The following TAFA2 variants were observed in gnomAD, a reference collection of about 807,000 sequenced individuals.
The protein encoded by TAFA2 is TAFA chemokine like family member 2.
Under a neutral mutation model 18.8 loss-of-function variants are expected in TAFA2, and 7 were observed. The observed-to-expected ratio is 0.37, with a 90% confidence interval of 0.21 to 0.70. TAFA2 has a LOEUF of 0.70. Ranked by LOEUF, TAFA2 falls within the 30% of genes least tolerant of loss-of-function variation. TAFA2 has a pLI of 0.53. For missense variants in TAFA2, 122 were observed against 158.1 expected (o/e 0.77, Z 1.23); for synonymous variants, 60 against 54.2 (o/e 1.11, Z -0.47).
At chr12:61,929,685 G>T (rs1476938493) in intron 1 of TAFA2, among the ~76,000 whole-genome samples, 1 of 151,714 alleles carries the variant, frequency 6.6e-6, no homozygotes, top group Non-Finnish European at 1.5e-5. Context: ...AAATCATGCT[G>T]CTATAAAGAC....
At chr12:61,947,165 G>A (rs1878298346) in intron 1 of TAFA2, among the ~76,000 whole-genome samples, 1 of 145,000 alleles carries the variant, frequency 6.9e-6, no homozygotes, top group Non-Finnish European at 1.5e-5. Context: ...TAGGGACATG[G>A]ATGAAATTAG....
At chr12:62,201,572 A>T (rs1310077260) in intron 1 of TAFA2, among the ~76,000 whole-genome samples, 1 of 152,224 alleles carries the variant, frequency 6.6e-6, no homozygotes, top group African/African-American at 2.4e-5. Flanking sequence ...CCAGCCTTGC[A>T]TCCCAGGGAT....
chr12:61,887,182 T>C (rs765837529), intron 1 of TAFA2, among the ~76,000 whole-genome samples: 3 of 152,180 alleles, frequency 2.0e-5, no homozygotes, highest in Non-Finnish European at 4.4e-5. Flanking sequence ...CTGTTAATTC[T>C]TTCAAGAAGA....
At chr12:61,760,366 A>ATATATATATATATG (rs1491457774) in intron 2 of TAFA2, among the ~76,000 whole-genome samples, 1 of 76,692 alleles carries the variant, frequency 1.3e-5, no homozygotes, top group Admixed American at 1.6e-4. Flanking sequence ...AAATATCAAA[A>ATATATATATATATG]TATATATATA....
chr12:62,136,500 C>T (rs1475399428), intron 1 of TAFA2, among the ~76,000 whole-genome samples: 2 of 152,080 alleles, frequency 1.3e-5, no homozygotes, highest in Non-Finnish European at 2.9e-5. Context: ...AATATAATTT[C>T]TCCTAAGGTT....
chr12:61,742,149 C>T (rs1358258383), intron 4 of TAFA2, among the ~76,000 whole-genome samples: 1 of 152,122 alleles, frequency 6.6e-6, no homozygotes, highest in South Asian at 2.1e-4. Flanking sequence ...TCTGCTTCTG[C>T]CTCCCAAAGT....
chr12:61,797,780 G>A (rs929809476), intron 2 of TAFA2, among the ~76,000 whole-genome samples: 1 of 152,170 alleles, frequency 6.6e-6, no homozygotes, highest in Non-Finnish European at 1.5e-5. Context: ...TATTGCTAAT[G>A]CTGCAGTTAA....
At chr12:62,079,043 T>C (rs549165329) in intron 1 of TAFA2, among the ~76,000 whole-genome samples, 9 of 152,332 alleles carry the variant, frequency 5.9e-5, no homozygotes, top group African/African-American at 2.2e-4. Flanking sequence ...ACAGCCTTTC[T>C]TTCTAAAGGA....
chr12:61,961,694 C>T (rs1214443532), intron 1 of TAFA2, among the ~76,000 whole-genome samples: 2 of 151,982 alleles, frequency 1.3e-5, no homozygotes, highest in African/African-American at 4.8e-5. Context: ...GAAGCTATTC[C>T]TTTTACTCCT....
At chr12:61,854,084 G>A (rs1011175261) in intron 2 of TAFA2, among the ~76,000 whole-genome samples, 37 of 152,060 alleles carry the variant, frequency 2.4e-4, no homozygotes, top group Admixed American at 2.4e-3. Flanking sequence ...TAGACAGTTT[G>A]GAATTATCAA....
intron 2 of TAFA2, among the ~76,000 whole-genome samples, chr12:61,816,885 T>A (rs1227324013): frequency 6.9e-6 from 1 of 145,856 alleles, no homozygotes; most frequent in African/African-American, 2.8e-5. Context: ...ATTGTCTAAC[T>A]TTTTTTGTAT....
chr12:62,168,307 C>T (rs185570509), intron 1 of TAFA2, among the ~76,000 whole-genome samples: 2 of 152,218 alleles, frequency 1.3e-5, no homozygotes, highest in Admixed American at 6.5e-5. Context: ...CACAACTATA[C>T]ACCACCACCT....
At chr12:62,257,327 A>C (rs2062945677) in intron 1 of TAFA2, among the ~76,000 whole-genome samples, 1 of 151,906 alleles carries the variant, frequency 6.6e-6, no homozygotes, top group African/African-American at 2.4e-5. Context: ...CTTCCATTAA[A>C]CTGTATTACA....
At chr12:61,904,413 A>G (rs1876249922) in intron 1 of TAFA2, among the ~76,000 whole-genome samples, 1 of 152,258 alleles carries the variant, frequency 6.6e-6, no homozygotes, top group Non-Finnish European at 1.5e-5. Context: ...GCCTTTTACT[A>G]GTTTGTACTT....
chr12:61,867,541 C>T, intron 1 of TAFA2, 115 bp from the exon 2 acceptor site: 1 of 625,542 alleles, frequency 1.6e-6, no homozygotes, highest in South Asian at 2.0e-5. Context: ...CTTCTGAAAA[C>T]TGTATTTCTT....
chr12:61,808,341 A>C (rs1871713227), intron 2 of TAFA2, among the ~76,000 whole-genome samples: 1 of 151,558 alleles, frequency 6.6e-6, no homozygotes, highest in Non-Finnish European at 1.5e-5. Context: ...CAAATGGTCA[A>C]TAAACCTCTT....
chr12:61,756,049 C>T (rs953751180), intron 2 of TAFA2, among the ~76,000 whole-genome samples: 3 of 151,780 alleles, frequency 2.0e-5, no homozygotes, highest in African/African-American at 4.8e-5. Flanking sequence ...CATAAGGAGA[C>T]CCATTGCAAA....
In TAFA2 at chr12:61,755,009, G is replaced by A. The variant is rs139902891; in HGVS notation, c.122C>T (p.Thr41Met). The A allele has an allele frequency of 1.7e-3, 2,779 of 1,612,468 alleles. 2 individuals carry two copies. Among genetic ancestry groups the A allele is most frequent in the Non-Finnish European group, 1.9e-3 (2,255 of 1,179,194 alleles). The change falls in exon 3 of 5, where the codon ACG (threonine) becomes ATG (methionine). Residue 41 changes from threonine (T) to methionine (M), a missense_variant. By Grantham distance (81) the Thr-to-Met change is moderately conservative. Around this residue, in one of 2 missense-constraint regions of TAFA2, gnomAD observed 62 missense variants for 55.5 expected, o/e 1.12. Coordinates refer to ENST00000416284, the MANE Select transcript of TAFA2 (RefSeq NM_178539.5). ...ANHHKAHHVK[T>M]GTCEVVALHR... ...GAGTGCCACCACCTCACAAGTTCCC[G>A]TTTTAACATGGTGAGCTGCACAAAC...
chr12:61,754,630 C>T (rs1417553416), intron 3 of TAFA2, among the ~76,000 whole-genome samples: 2 of 151,704 alleles, frequency 1.3e-5, no homozygotes, highest in Non-Finnish European at 2.9e-5. Flanking sequence ...AAATAAGATG[C>T]ACATTAATTT....
Sources: allele counts gnomAD v4.1 joint callset (sites outside exome capture counted in the v4.1 genomes callset), GRCh38; gene constraint gnomAD v4.1.1; regional missense constraint gnomAD v4.1.1; transcripts MANE v1.5; gene names NCBI Gene and HGNC (gene_info 2026-07-23, HGNC 2026-07-21).